The following ANKRD17 variants were observed in gnomAD, a reference collection of about 807,000 sequenced individuals.
ANKRD17 encodes ankyrin repeat domain 17.
ANKRD17 carries 19 observed loss-of-function variants against 229.7 expected under a neutral mutation model. That is an observed-to-expected ratio of 0.08 (90% confidence interval 0.06 to 0.12). The LOEUF (loss-of-function observed/expected upper bound fraction) is 0.12, where lower values mean the gene tolerates loss of function less well. Among genes scored for constraint, ANKRD17 ranks in the 10% least tolerant of loss-of-function variants. ANKRD17 has a pLI of 1.00. For synonymous variants in ANKRD17, 1,112 were observed against 1,146.1 expected (o/e 0.97, Z 0.60); for missense variants, 2,176 against 3,176.8 (o/e 0.68, Z 7.57).
chr4:73,123,752 T>C (rs1727065972), intron 18 of ANKRD17, among the ~76,000 whole-genome samples: 1 of 151,908 alleles, frequency 6.6e-6, no homozygotes, highest in Non-Finnish European at 1.5e-5. Flanking sequence ...AAAAATCTAG[T>C]GGGTTTAACT....
Position 73,236,523 on chromosome 4 carries a change from A to G in ANKRD17, c.393+21753T>C, listed in dbSNP as rs1204663415. Among the ~76,000 whole-genome samples the G allele has an allele frequency of 3.3e-5, 5 of 152,146 alleles. No individual in the cohort carries two copies. The East Asian group carries it at 7.7e-4, about 23-fold the overall frequency. On this transcript the variant is annotated intron_variant, in intron 1 of 33. Coordinates refer to ENST00000358602, the MANE Select transcript of ANKRD17 (RefSeq NM_032217.5). ...CAAATACCTATGCCTCAAAAACTCT[A>G]TATCCCAGAAACAACTGGCAAAATG...
chr4:73,159,118 C>T (rs993231491), intron 3 of ANKRD17, among the ~76,000 whole-genome samples: 1 of 152,196 alleles, frequency 6.6e-6, no homozygotes, highest in South Asian at 2.1e-4. Context: ...TGTCCCCTTA[C>T]CAAAGTGAAA....
At chr4:73,104,172 A>G (rs1257693736) in intron 24 of ANKRD17, 1 of 151,980 alleles carries the variant, frequency 6.6e-6, no homozygotes, top group East Asian at 1.9e-4. Flanking sequence ...TTTCTGCTGG[A>G]CTCCCAGAAA....
chr4:73,202,495 A>G (rs560275533), intron 1 of ANKRD17, among the ~76,000 whole-genome samples: 2 of 152,292 alleles, frequency 1.3e-5, no homozygotes, highest in South Asian at 4.2e-4. Context: ...TAGAAACTCC[A>G]AAAGATTGGT....
chr4:73,090,255 C>A (rs922781345), intron 29 of ANKRD17, among the ~76,000 whole-genome samples: 1 of 151,962 alleles, frequency 6.6e-6, no homozygotes, highest in Admixed American at 6.6e-5. Context: ...ACTAAAAATA[C>A]AAAAATCAGC....
At chr4:73,179,512 A>ATTT (rs1560665984) in intron 1 of ANKRD17, among the ~76,000 whole-genome samples, 5 of 70,556 alleles carry the variant, frequency 7.1e-5, no homozygotes, top group East Asian at 4.4e-4. Context: ...ATATATATAT[A>ATTT]TATATATTTT....
chr4:73,248,008 T>C (rs903379185), intron 1 of ANKRD17, among the ~76,000 whole-genome samples: 1 of 152,066 alleles, frequency 6.6e-6, no homozygotes, highest in Non-Finnish European at 1.5e-5. Context: ...TTTAATTATA[T>C]GTAACGCTAT....
Position 73,082,156 on chromosome 4 carries a change from T to TA in ANKRD17, c.7159+3092dup, listed in dbSNP as rs11367760. On this transcript the variant is annotated intron_variant, in intron 30 of 33. Transcript: ENST00000358602. Reference sequence around the variant, plus strand: ...CAGAGAGATACATTATCTTTTTATTTAAAAAAAAAAAAAAAAAAAGGGGGG... The same window carrying TA: ...CAGAGAGATACATTATCTTTTTATTTAAAAAAAAAAAAAAAAAAAAGGGGGG... Among the ~76,000 whole-genome samples, 196 of 129,060 alleles carry TA rather than the reference T, an allele frequency of 1.5e-3. 1 individual carries two copies. Among genetic ancestry groups the TA allele is most frequent in the East Asian group, 3.4e-3 (15 of 4,400 alleles). The allele number at this position is 129,060 out of a possible 152,430, so 84.7% of individuals were successfully genotyped here. A position where few individuals can be genotyped will look rare whatever the true frequency, so the allele number is the denominator to read the frequency against.
intron 1 of ANKRD17, among the ~76,000 whole-genome samples, chr4:73,239,249 T>C (rs945964954): frequency 1.3e-5 from 2 of 152,078 alleles, no homozygotes; most frequent in African/African-American, 4.8e-5. Context: ...TGACACACAA[T>C]AAAATGTCAG....
At chr4:73,108,554 C>T (rs1724919065) in intron 24 of ANKRD17, among the ~76,000 whole-genome samples, 1 of 152,072 alleles carries the variant, frequency 6.6e-6, no homozygotes, top group South Asian at 2.1e-4. Flanking sequence ...CCTGTAGTGG[C>T]ATGAAAGCCA....
chr4:73,129,608 T>G (rs1252710103), intron 16 of ANKRD17, among the ~76,000 whole-genome samples: 1 of 151,992 alleles, frequency 6.6e-6, no homozygotes, highest in Non-Finnish European at 1.5e-5. Context: ...TCATAGCTAC[T>G]CATGAGTTTG....
intron 1 of ANKRD17, among the ~76,000 whole-genome samples, chr4:73,256,549 T>C (rs1197560760): frequency 6.6e-6 from 1 of 152,176 alleles, no homozygotes; most frequent in Non-Finnish European, 1.5e-5. Flanking sequence ...TTAGAAAACT[T>C]TGATTTGTAC....
At chr4:73,156,193 C>T (rs1731633098) in intron 3 of ANKRD17, 27 bp from the exon 4 acceptor site, 3 of 1,563,404 alleles carry the variant, frequency 1.9e-6, no homozygotes, top group Non-Finnish European at 2.6e-6. Context: ...ATCACAATAC[C>T]AGAATATAAG....
At chr4:73,076,720 T>G (rs761825825) in intron 33 of ANKRD17, among the ~76,000 whole-genome samples, 5 of 152,204 alleles carry the variant, frequency 3.3e-5, no homozygotes, top group Admixed American at 6.5e-5. Context: ...ATTTATTATC[T>G]GCTACCCAGT....
chr4:73,147,729 A>G (rs561952123), intron 8 of ANKRD17, among the ~76,000 whole-genome samples: 2 of 152,240 alleles, frequency 1.3e-5, no homozygotes, highest in African/African-American at 2.4e-5. Context: ...CATTATAGTG[A>G]TTCAAAAATG....
At position 73,097,281 on chromosome 4, in the gene ANKRD17, AAG is replaced by A. The variant is rs1560511666; in HGVS notation, c.5022-11_5022-10del. On this transcript the variant is annotated splice_polypyrimidine_tract_variant and intron_variant, in intron 26 of 33. Coordinates refer to ENST00000358602, the MANE Select transcript of ANKRD17 (RefSeq NM_032217.5). ...TGATAGTTTCTGACAATCTTTAACA[AAG>A]AGAGGGAAAGTACATTAAATATGGA... 6.4e-7 allele frequency: 1 copy of A among 1,568,208 alleles called. No homozygotes were observed. Among genetic ancestry groups the A allele is most frequent in the Admixed American group, 2.0e-5 (1 of 49,908 alleles).
intron 25 of ANKRD17, among the ~76,000 whole-genome samples, chr4:73,099,595 C>T (rs1723717482): frequency 6.6e-6 from 1 of 152,230 alleles, no homozygotes; most frequent in South Asian, 2.1e-4. Context: ...GGCCCAAGCC[C>T]CATCTCATCC....
chr4:73,086,919 A>AAAATATATATATATATAT (rs1553911000), intron 29 of ANKRD17, among the ~76,000 whole-genome samples: 2 of 12,464 alleles, frequency 1.6e-4, no homozygotes, highest in African/African-American at 5.2e-4. Context: ...AAAAAAAAAA[A>AAAATATATATATATATAT]ATATATATAT....
chr4:73,209,507 A>G (rs1739967494), intron 1 of ANKRD17, among the ~76,000 whole-genome samples: 1 of 152,222 alleles, frequency 6.6e-6, no homozygotes, highest in Non-Finnish European at 1.5e-5. Flanking sequence ...GTTTAATTGA[A>G]AACATTCCCA....
Sources: gnomAD v4.1 joint callset for allele counts (sites outside exome capture counted in the v4.1 genomes callset) on GRCh38, gnomAD v4.1.1 for gene constraint, MANE v1.5 for transcripts, NCBI Gene and HGNC (gene_info 2026-07-23, HGNC 2026-07-21) for gene names.